The following SCMH1 variants were observed in gnomAD, a reference collection of about 807,000 sequenced individuals.
The protein encoded by SCMH1 is Scm polycomb group protein homolog 1.
SCMH1 carries 37 observed loss-of-function variants against 70.8 expected under a neutral mutation model. The observed-to-expected ratio is 0.52, with a 90% CI of 0.40 to 0.69. The LOEUF is 0.69. SCMH1 is among the 30% of genes least tolerant of loss of function. The pLI, the probability that SCMH1 is intolerant of heterozygous loss-of-function variation, is 0.00. For missense variants in SCMH1, 607 were observed against 827.3 expected (o/e 0.73, Z 3.27); for synonymous variants, 292 against 307.4 (o/e 0.95, Z 0.52).
chr1:41,041,465 A>G, intron 12 of SCMH1: 1 of 152,234 alleles, frequency 6.6e-6, no homozygotes, highest in East Asian at 1.9e-4. Context: ...GAAACAGGAT[A>G]TTAAGATGGA....
chr1:41,189,003 A>C (rs1449436859), intron 1 of SCMH1, among the ~76,000 whole-genome samples: 1 of 152,240 alleles, frequency 6.6e-6, no homozygotes, highest in African/African-American at 2.4e-5. Context: ...GCCAATATGC[A>C]GAGAAATCAA....
In SCMH1 at chr1:41,058,378, G is replaced by GTTTTTTTTTTTTTTTTTTT. The variant is rs548733204; in HGVS notation, c.1106-9507_1106-9489dup. Among the ~76,000 whole-genome samples the GTTTTTTTTTTTTTTTTTTT allele has an allele frequency of 3.7e-4, 30 of 81,640 alleles. 4 individuals carry two copies. The highest frequency in any genetic ancestry group is 5.3e-4 in the East Asian group (1 of 1,872). The allele number at this position is 81,640 out of a possible 152,430, so 53.6% of individuals were successfully genotyped here. On this transcript the variant is annotated intron_variant, in intron 10 of 14. Coordinates refer to ENST00000337495, the Ensembl canonical transcript of SCMH1. ...TTAGTATTTATACATTTTCTTTCTT[G>GTTTTTTTTTTTTTTTTTTT]TTTTTTTTTTTTTTTTTTTTTTGAG... is the stretch of plus-strand genomic sequence containing the variant.
intron 8 of SCMH1, among the ~76,000 whole-genome samples, chr1:41,097,813 A>G (rs1430847820): frequency 6.6e-6 from 1 of 152,160 alleles, no homozygotes; most frequent in African/African-American, 2.4e-5. Flanking sequence ...CTAAAACACA[A>G]ATGTGATCAT....
intron 6 of SCMH1, among the ~76,000 whole-genome samples, chr1:41,126,961 G>A (rs1017444796): frequency 2.6e-5 from 4 of 152,120 alleles, no homozygotes; most frequent in African/African-American, 9.7e-5. Flanking sequence ...CCTCTCTGGT[G>A]TGAAATGTAC....
rs116300967 is a variant in SCMH1, at chr1:41,170,156, C to T, written c.14-8724G>A. 1.8e-3 allele frequency among the ~76,000 whole-genome samples: 281 copies of T among 152,300 alleles called. 3 individuals carry two copies. The highest frequency in any genetic ancestry group is 2.7e-3 in the Non-Finnish European group (187 of 68,028). On this transcript the variant is annotated intron_variant, in intron 2 of 14. Transcript: ENST00000337495. ...GTGCTTAAATGCCCATATCTAACTG[C>T]GGCTTTTTTCCTGTGGTCTAGAAAG...
intron 1 of SCMH1, among the ~76,000 whole-genome samples, chr1:41,201,201 T>C (rs1654282902): frequency 6.6e-6 from 1 of 152,198 alleles, no homozygotes; most frequent in Non-Finnish European, 1.5e-5. Flanking sequence ...TCTCAGATTC[T>C]TATCTTTTAA....
intron 1 of SCMH1, among the ~76,000 whole-genome samples, chr1:41,234,899 T>C (rs1662050703): frequency 6.6e-6 from 1 of 152,304 alleles, no homozygotes; most frequent in East Asian, 1.9e-4. Context: ...GTTCCTGCCC[T>C]AGTGTTCCCA....
chr1:41,119,397 C>T (rs1338023812), intron 6 of SCMH1, among the ~76,000 whole-genome samples: 11 of 151,048 alleles, frequency 7.3e-5, no homozygotes, highest in Non-Finnish European at 1.6e-4. Flanking sequence ...AAACTGCCAT[C>T]ACTTCCTTTT....
At chr1:41,067,465 A>C (rs866614719) in intron 10 of SCMH1, among the ~76,000 whole-genome samples, 9,585 of 147,092 alleles carry the variant, frequency 0.065, 219 homozygotes, top group East Asian at 0.12. Flanking sequence ...CAACAAAAAA[A>C]AAAAAAAAAA....
At chr1:41,134,615 C>T (rs1314378370) in intron 6 of SCMH1, among the ~76,000 whole-genome samples, 2 of 152,162 alleles carry the variant, frequency 1.3e-5, no homozygotes, top group Non-Finnish European at 2.9e-5. Context: ...CATTCTCTTA[C>T]CAGTGTCTAT....
At chr1:41,104,057 C>T (rs562731830) in intron 8 of SCMH1, among the ~76,000 whole-genome samples, 1 of 152,210 alleles carries the variant, frequency 6.6e-6, no homozygotes, top group Non-Finnish European at 1.5e-5. Context: ...CCTGGCTCTG[C>T]GTGCAGTTCC....
chr1:41,174,215 T>C (rs1490843265), intron 2 of SCMH1, among the ~76,000 whole-genome samples: 3 of 152,114 alleles, frequency 2.0e-5, no homozygotes, highest in African/African-American at 7.2e-5. Flanking sequence ...TGTACAATTA[T>C]GTTTCAATTA....
chr1:41,151,319 T>A (rs1645056541), intron 5 of SCMH1, among the ~76,000 whole-genome samples: 1 of 152,260 alleles, frequency 6.6e-6, no homozygotes, highest in Non-Finnish European at 1.5e-5. Context: ...CTCTCTTTCC[T>A]GTCCGAATTA....
At chr1:41,123,278 C>G (rs752527296) in intron 6 of SCMH1, among the ~76,000 whole-genome samples, 1 of 152,134 alleles carries the variant, frequency 6.6e-6, no homozygotes, top group Admixed American at 6.5e-5. Flanking sequence ...ATAGTCCATG[C>G]CCTCTGGTGG....
intron 8 of SCMH1, among the ~76,000 whole-genome samples, chr1:41,108,313 C>T (rs1019618722): frequency 2.0e-5 from 3 of 152,180 alleles, no homozygotes; most frequent in Non-Finnish European, 4.4e-5. Context: ...CATGTTGTCT[C>T]GCTGCTATCA....
At chr1:41,228,993 C>T (rs1473627085) in intron 1 of SCMH1, among the ~76,000 whole-genome samples, 2 of 152,096 alleles carry the variant, frequency 1.3e-5, no homozygotes, top group Middle Eastern at 3.4e-3. Context: ...GTCAGGAGTT[C>T]GAAACCAGCC....
intron 1 of SCMH1, among the ~76,000 whole-genome samples, chr1:41,215,563 C>T (rs1408195228): frequency 6.6e-6 from 1 of 152,096 alleles, no homozygotes; most frequent in East Asian, 1.9e-4. Context: ...CTCCTCTTAT[C>T]TGCAATGAGG....
At chr1:41,040,240 T>C (rs1407798894) in intron 12 of SCMH1, among the ~76,000 whole-genome samples, 3 of 152,208 alleles carry the variant, frequency 2.0e-5, no homozygotes, top group Non-Finnish European at 1.5e-5. Flanking sequence ...CTAGTTATGG[T>C]ACATGCAGAG....
chr1:41,076,324 A>C (rs1461008622), intron 8 of SCMH1, among the ~76,000 whole-genome samples: 1 of 152,188 alleles, frequency 6.6e-6, no homozygotes, highest in African/African-American at 2.4e-5. Flanking sequence ...GTAGACATCT[A>C]TGTTACAGTA....
Sources: gnomAD v4.1 joint callset for allele counts (sites outside exome capture counted in the v4.1 genomes callset) on GRCh38, gnomAD v4.1.1 for gene constraint, MANE v1.5 for transcripts, NCBI Gene and HGNC (gene_info 2026-07-23, HGNC 2026-07-21) for gene names.